Variants in CCDC197 observed in about 807,000 individuals in gnomAD.
The protein encoded by CCDC197 is coiled-coil domain containing 197, also known as uncharacterized protein CCDC197.
Under a neutral mutation model 13.4 loss-of-function variants are expected in CCDC197, and 24 were observed. That is an observed-to-expected ratio of 1.80 (90% CI 1.30 to 2.53). The LOEUF (loss-of-function observed/expected upper bound fraction) is 2.53, where lower values mean the gene tolerates loss of function less well. CCDC197 is among the 30% of genes most tolerant of loss of function. CCDC197 has a pLI of 0.00. For synonymous variants in CCDC197, 99 were observed against 55.5 expected, an observed-to-expected ratio of 1.78 and a Z score of -3.48; for missense variants, 255 against 148.8, an observed-to-expected ratio of 1.71 and a Z score of -3.71.
chr14:93,999,243 C>T (rs552673624), intron 2 of CCDC197: 34 of 238,316 alleles, frequency 1.4e-4, no homozygotes, highest in African/African-American at 4.4e-4. Flanking sequence ...TAATAGGGGC[C>T]GGCCTGTCTC....
chr14:93,998,091 C>T lies in CCDC197; in HGVS notation c.-41C>T, dbSNP rs775148499. On this transcript the variant is annotated 5_prime_UTR_variant, in exon 2 of 7. It adds an upstream start codon to the 5' untranslated region. Coordinates refer to ENST00000636493, the MANE Select transcript of CCDC197 (RefSeq NM_001351596.2). ...GTCTGTCTTCATCCTGCCTGACTCA[C>T]GGGTCTCCTGTCCTCCTGCATAGCT... 11 of 779,238 alleles carry T rather than the reference C, an allele frequency of 1.4e-5. No individual in the cohort carries two copies. The highest frequency in any genetic ancestry group is 6.8e-5 in the Admixed American group (4 of 58,962). The allele number at this position is 779,238 out of a possible 1,614,324, so 48.3% of individuals were successfully genotyped here. A position where few individuals can be genotyped will look rare whatever the true frequency, so the allele number is the denominator to read the frequency against.
At chr14:94,008,055 G>A (rs1352182330) in intron 6 of CCDC197, among the ~76,000 whole-genome samples, 1 of 152,206 alleles carries the variant, frequency 6.6e-6, no homozygotes, top group Non-Finnish European at 1.5e-5. Context: ...GTAAGGACAT[G>A]TTTGTCTAAA....
chr14:94,007,088 T>C (rs185700874), intron 6 of CCDC197: 1 of 152,302 alleles, frequency 6.6e-6, no homozygotes, highest in African/African-American at 2.4e-5. Flanking sequence ...GCCTCCCAAA[T>C]TGCTAAGATT....
upstream of CCDC197, among the ~76,000 whole-genome samples, chr14:93,993,421 G>C (rs1353455809): frequency 6.6e-6 from 1 of 152,216 alleles, no homozygotes; most frequent in Non-Finnish European, 1.5e-5. Flanking sequence ...AGTGTTGTAC[G>C]TGGACTATCT....
upstream of CCDC197, among the ~76,000 whole-genome samples, chr14:93,994,518 T>C (rs1567040608): frequency 6.6e-6 from 1 of 152,210 alleles, no homozygotes; most frequent in Non-Finnish European, 1.5e-5. Flanking sequence ...ACAGTCACTC[T>C]TTAGGGGCCT....
Position 94,003,993 on chromosome 14 carries a change from C to T in CCDC197, c.498+639C>T, listed in dbSNP as rs187825819. The stretch of plus-strand genomic sequence containing the variant: ...GTACTGTCTTCAGTAAGGCTGGTGT[C>T]TCTCTGATCAGAGAGTCTGACCTGG... On this transcript the variant is annotated intron_variant, in intron 5 of 6. Transcript: ENST00000636493. The surrounding 1 kb of genome is among the most constrained non-coding windows in gnomAD (Gnocchi z 5.0). 2.3e-4 allele frequency among the ~76,000 whole-genome samples: 35 copies of T among 152,330 alleles called. No homozygotes were observed. The highest frequency in any genetic ancestry group is 3.4e-3 in the Middle Eastern group (1 of 294).
At chr14:93,993,570 T>C (rs565110827), upstream of CCDC197, among the ~76,000 whole-genome samples, 3 of 152,334 alleles carry the variant, frequency 2.0e-5, no homozygotes, top group South Asian at 4.1e-4. Context: ...TGAGCGTCAA[T>C]GGCTGAGGAA....
intron 4 of CCDC197, among the ~76,000 whole-genome samples, chr14:94,002,852 A>AAG (rs1491186371): frequency 2.7e-5 from 1 of 36,980 alleles, no homozygotes; most frequent in Non-Finnish European, 5.0e-5. Flanking sequence ...AGACTGTCTC[A>AAG]AAAAAAAAAA....
intron 4 of CCDC197, among the ~76,000 whole-genome samples, chr14:94,002,871 AAT>A (rs1555432546): frequency 6.6e-5 from 10 of 150,532 alleles, no homozygotes; most frequent in African/African-American, 2.5e-4. Flanking sequence ...AAAAAAACAA[AAT>A]TATAAAGAAA....
rs1211275289 is a variant in CCDC197, at chr14:94,003,706, G to GAC, written c.498+362_498+363dup. 6.6e-6 allele frequency among the ~76,000 whole-genome samples: 1 copy of GAC among 151,898 alleles called. No individual in the cohort carries two copies. Among genetic ancestry groups the GAC allele is most frequent in the Non-Finnish European group, 1.5e-5 (1 of 67,970 alleles). On this transcript the variant is annotated intron_variant, in intron 5 of 6. Coordinates refer to ENST00000636493, the MANE Select transcript of CCDC197 (RefSeq NM_001351596.2). This position sits in a 1 kb window ranked among gnomAD's most constrained non-coding sequence, Gnocchi z 5.0. ...ACATGCAGAGACATACATAGAGACA[G>GAC]ACACACACACAGACAGACCCACACC... is the stretch of plus-strand genomic sequence containing the variant.
Position 94,004,926 on chromosome 14 carries a change from C to A in CCDC197, c.570C>A (p.Gly190=). 1.4e-6 allele frequency: 1 copy of A among 702,924 alleles called. No individual in the cohort carries two copies. Among genetic ancestry groups the A allele is most frequent in the East Asian group, 2.7e-5 (1 of 37,270 alleles). The allele number at this position is 702,924 out of a possible 1,614,324, so 43.5% of individuals were successfully genotyped here. The change falls in exon 6 of 7, where the codon GGC becomes GGA. Residue 190 remains glycine (G), a synonymous_variant. Coordinates refer to ENST00000636493, the MANE Select transcript of CCDC197 (RefSeq NM_001351596.2). ...MARQCCPSAH[G]VPKSMDLFSK... is the part of the protein sequence containing the mutation. Reference sequence around the variant, plus strand: ...GGCAGTGCTGCCCCTCTGCCCACGGCGTGCCCAAGAGCATGGATCTCTTCT... The same window carrying A: ...GGCAGTGCTGCCCCTCTGCCCACGGAGTGCCCAAGAGCATGGATCTCTTCT...
At chr14:94,006,445 T>G (rs1890682134) in intron 6 of CCDC197, among the ~76,000 whole-genome samples, 1 of 151,694 alleles carries the variant, frequency 6.6e-6, no homozygotes, top group Non-Finnish European at 1.5e-5. Context: ...AACCTCTGCC[T>G]CCCGGGTTCA....
chr14:93,994,930 A>G (rs771426105), upstream of CCDC197, among the ~76,000 whole-genome samples: 2 of 151,944 alleles, frequency 1.3e-5, no homozygotes, highest in Non-Finnish European at 2.9e-5. Flanking sequence ...TAACCACTCA[A>G]CCTCCCAGAT....
intron 4 of CCDC197, chr14:94,001,675 C>G (rs527361179): frequency 1.5e-4 from 29 of 197,128 alleles, no homozygotes; most frequent in African/African-American, 5.6e-4. Context: ...GGCAACACAC[C>G]CTAGTTGCTA....
rs564430728 is a variant in CCDC197, at chr14:94,007,793, C to T, written c.616-816C>T. Among the ~76,000 whole-genome samples the T allele has an allele frequency of 3.3e-5, 5 of 152,296 alleles. No individual in the cohort carries two copies. The East Asian group carries it at 9.6e-4, about 29-fold the overall frequency. Reference sequence around the variant, plus strand: ...TTGAGGCAGGTTCCGTGCAGATATCCAAACACGGGATACTTAGCTCCCCAG... The same window carrying T: ...TTGAGGCAGGTTCCGTGCAGATATCTAAACACGGGATACTTAGCTCCCCAG... On this transcript the variant is annotated intron_variant, in intron 6 of 6. Transcript: ENST00000636493.
At chr14:93,999,866 C>T (rs1277899709) in intron 3 of CCDC197, among the ~76,000 whole-genome samples, 1 of 152,182 alleles carries the variant, frequency 6.6e-6, no homozygotes, top group Non-Finnish European at 1.5e-5. Flanking sequence ...GCTCCACTGT[C>T]GCTAACAGTG....
At chr14:93,994,655 C>A (rs1004094549), upstream of CCDC197, among the ~76,000 whole-genome samples, 12 of 152,204 alleles carry the variant, frequency 7.9e-5, no homozygotes, top group Non-Finnish European at 5.9e-5. Context: ...GTGCCACCAT[C>A]CCCACTCCAA....
At chr14:94,004,801 A>G (rs1194496388) in intron 5 of CCDC197, 54 bp from the exon 6 acceptor site, 2 of 692,650 alleles carry the variant, frequency 2.9e-6, no homozygotes, top group Non-Finnish European at 2.6e-6. Context: ...GGGCAGGGGC[A>G]GGGGATGCTG....
chr14:94,009,395 G>A (rs1890774029), downstream of CCDC197, among the ~76,000 whole-genome samples: 1 of 152,132 alleles, frequency 6.6e-6, no homozygotes, highest in Non-Finnish European at 1.5e-5. Context: ...ACCTTGGCAA[G>A]GCAAGGTCCC....
Sources: gnomAD v4.1 joint callset for allele counts (sites outside exome capture counted in the v4.1 genomes callset) on GRCh38, gnomAD v4.1.1 for gene constraint, Gnocchi (gnomAD v3.1) non-coding constraint, MANE v1.5 for transcripts, NCBI Gene and HGNC (gene_info 2026-07-23, HGNC 2026-07-21) for gene names.